Variants in KIRREL3 observed in about 807,000 individuals in gnomAD.
KIRREL3 encodes the protein kirre like nephrin family adhesion molecule 3, also known as kin of IRRE-like protein 3.
A neutral mutation model predicts 89.7 loss-of-function variants in KIRREL3; 36 were observed. The ratio of observed to expected loss-of-function variants is 0.40; its 90% CI spans 0.31 to 0.53. The LOEUF is 0.53. Among genes scored for constraint, KIRREL3 ranks in the 20% least tolerant of loss-of-function variants. The probability of loss-of-function intolerance (pLI) is 0.49; values close to 1 mark genes in which losing one functional copy is unlikely to be tolerated. For synonymous variants in KIRREL3, 445 were observed against 441.4 expected, an observed-to-expected ratio of 1.01 and a Z score of -0.10; for missense variants, 864 against 1,056.6, an observed-to-expected ratio of 0.82 and a Z score of 2.53.
Position 126,526,790 on chromosome 11 carries a change from A to C in KIRREL3, c.134-103T>G. On this transcript the variant is annotated intron_variant, in intron 2 of 16. Coordinates refer to ENST00000525144, the MANE Select transcript of KIRREL3 (RefSeq NM_032531.4). This position sits in a 1 kb window ranked among gnomAD's most constrained non-coding sequence, Gnocchi z 5.7. ...AGAGCAGGGCTGGCGCAGGAGACTG[A>C]GCCTCCTGAAGCACCTGGCTTTCCT... The C allele has an allele frequency of 8.1e-7, 1 of 1,229,468 alleles. No homozygotes were observed. Among genetic ancestry groups the C allele is most frequent in the Non-Finnish European group, 1.1e-6 (1 of 879,104 alleles). 76.2% of individuals were successfully genotyped at this position (1,229,468 alleles called of 1,614,324 possible).
At chr11:126,838,292 T>C (rs1943846262) in intron 1 of KIRREL3, among the ~76,000 whole-genome samples, 1 of 152,206 alleles carries the variant, frequency 6.6e-6, no homozygotes, top group South Asian at 2.1e-4. Flanking sequence ...AGGTTATTTT[T>C]CCCCTTCCTG....
rs76643114 is a variant in KIRREL3, at chr11:126,905,771, C to T, written c.55+94684G>A. Among the ~76,000 whole-genome samples the T allele has an allele frequency of 3.1e-3, 475 of 152,272 alleles. 2 individuals are homozygous for T. The highest frequency in any genetic ancestry group is 0.01 in the African/African-American group (430 of 41,540). On this transcript the variant is annotated intron_variant, in intron 1 of 16. Transcript: ENST00000525144. This position sits in a 1 kb window ranked among gnomAD's most constrained non-coding sequence, Gnocchi z 5.0. ...CCTGACAACACAGAGCCCTATCTGCCGCTGCCAGTTCGGGCGGATGCCTAA... is the reference window on the plus strand; with the variant it reads ...CCTGACAACACAGAGCCCTATCTGCTGCTGCCAGTTCGGGCGGATGCCTAA...
chr11:126,917,742 C>T lies in KIRREL3; in HGVS notation c.55+82713G>A, dbSNP rs1458559305. Among the ~76,000 whole-genome samples the T allele has an allele frequency of 6.6e-6, 1 of 152,164 alleles. No homozygotes were observed. Among genetic ancestry groups the T allele is most frequent in the Non-Finnish European group, 1.5e-5 (1 of 68,042 alleles). On this transcript the variant is annotated intron_variant, in intron 1 of 16. Transcript: ENST00000525144. This position sits in a 1 kb window ranked among gnomAD's most constrained non-coding sequence, Gnocchi z 5.0. Reference sequence around the variant, plus strand: ...CTAGAAACCAATAGTGAGGTGGTTGCCACTATTTCCATTGGCAACCAATAC... The same window carrying T: ...CTAGAAACCAATAGTGAGGTGGTTGTCACTATTTCCATTGGCAACCAATAC...
intron 1 of KIRREL3, among the ~76,000 whole-genome samples, chr11:126,986,153 C>T (rs573407244): frequency 1.3e-5 from 2 of 152,264 alleles, no homozygotes; most frequent in South Asian, 4.1e-4. Context: ...GGCTGGCTCC[C>T]CCCAAGCCCC....
At chr11:126,514,879 G>A (rs1958358350) in intron 4 of KIRREL3, among the ~76,000 whole-genome samples, 1 of 149,870 alleles carries the variant, frequency 6.7e-6, no homozygotes, top group Non-Finnish European at 1.5e-5. Flanking sequence ...AAACACAATT[G>A]TCATCCGTGT....
intron 1 of KIRREL3, among the ~76,000 whole-genome samples, chr11:126,899,265 C>T (rs1946280138): frequency 6.6e-6 from 1 of 152,064 alleles, no homozygotes; most frequent in Non-Finnish European, 1.5e-5. Flanking sequence ...CAGGAGCCTG[C>T]CTGAATGCTT....
At chr11:126,878,804 T>C (rs1181434172) in intron 1 of KIRREL3, among the ~76,000 whole-genome samples, 1 of 152,180 alleles carries the variant, frequency 6.6e-6, no homozygotes, top group Non-Finnish European at 1.5e-5. Context: ...TATATCCATA[T>C]TAAAGCTTTT....
chr11:126,717,575 G>GTCCTCCAT (rs1565674234), intron 1 of KIRREL3, among the ~76,000 whole-genome samples: 1 of 152,170 alleles, frequency 6.6e-6, no homozygotes, highest in Non-Finnish European at 1.5e-5. Flanking sequence ...CACACACCTT[G>GTCCTCCAT]TCCTCCATCC....
At chr11:126,929,677 CAGGCCT>C (rs1055829283) in intron 1 of KIRREL3, among the ~76,000 whole-genome samples, 4 of 152,170 alleles carry the variant, frequency 2.6e-5, no homozygotes, top group African/African-American at 9.7e-5. Flanking sequence ...GTGAGTCGCC[CAGGCCT>C]AGAAACCAAA....
At chr11:126,923,759 T>A (rs1280475432) in intron 1 of KIRREL3, among the ~76,000 whole-genome samples, 1 of 152,122 alleles carries the variant, frequency 6.6e-6, no homozygotes, top group Non-Finnish European at 1.5e-5. Flanking sequence ...ACTTCTTACG[T>A]GATGGTCTAT....
chr11:126,497,505 A>C (rs1957710952), intron 4 of KIRREL3, among the ~76,000 whole-genome samples: 1 of 152,218 alleles, frequency 6.6e-6, no homozygotes, highest in Non-Finnish European at 1.5e-5. Context: ...CCGCAGGGCC[A>C]CAACGCACTC....
In KIRREL3 at chr11:126,627,354, C is replaced by A. The variant is rs748397620; in HGVS notation, c.56-64442G>T. On this transcript the variant is annotated intron_variant, in intron 1 of 16. Transcript: ENST00000525144. This position sits in a 1 kb window ranked among gnomAD's most constrained non-coding sequence, Gnocchi z 5.0. ...TGAAAACCATGTTGAAGCATGGTGA[C>A]CTGGTCTGTGTTCCTATAGGCCGCC... Among the ~76,000 whole-genome samples, 1 of 152,164 alleles carries A rather than the reference C, an allele frequency of 6.6e-6. No individual in the cohort carries two copies. Among genetic ancestry groups the A allele is most frequent in the South Asian group, 2.1e-4 (1 of 4,830 alleles).
At chr11:126,889,517 A>G (rs1786943343) in intron 1 of KIRREL3, among the ~76,000 whole-genome samples, 1 of 152,112 alleles carries the variant, frequency 6.6e-6, no homozygotes, top group Non-Finnish European at 1.5e-5. Context: ...AAAGGAGAAG[A>G]AAAAAAGTCA....
intron 4 of KIRREL3, among the ~76,000 whole-genome samples, chr11:126,507,470 C>T (rs916591009): frequency 6.6e-6 from 1 of 152,180 alleles, no homozygotes; most frequent in African/African-American, 2.4e-5. Flanking sequence ...ACACTCTGCT[C>T]TACTTTTTTT....
At chr11:126,584,107 C>T (rs568077031) in intron 1 of KIRREL3, among the ~76,000 whole-genome samples, 19 of 152,194 alleles carry the variant, frequency 1.2e-4, no homozygotes, top group East Asian at 5.8e-4. Context: ...ATGATGTATC[C>T]GTCACAAAGC....
chr11:126,507,635 T>C (rs945135831), intron 4 of KIRREL3, among the ~76,000 whole-genome samples: 4 of 152,254 alleles, frequency 2.6e-5, no homozygotes, highest in African/African-American at 9.6e-5. Context: ...GTACCTGGCA[T>C]GTGGAAGGCA....
In KIRREL3 at chr11:126,537,356, C is replaced by G. The variant is rs1033011347; in HGVS notation, c.134-10669G>C. ...TGGATTACAAGGGATAAAGTGGTCT[C>G]ATAGAGAAGTCATATAAAGCTTTTC... On this transcript the variant is annotated intron_variant, in intron 2 of 16. Coordinates refer to ENST00000525144, the MANE Select transcript of KIRREL3 (RefSeq NM_032531.4). This position sits in a 1 kb window ranked among gnomAD's most constrained non-coding sequence, Gnocchi z 4.3. 6.6e-6 allele frequency among the ~76,000 whole-genome samples: 1 copy of G among 152,126 alleles called. No individual in the cohort carries two copies. The highest frequency in any genetic ancestry group is 1.5e-5 in the Non-Finnish European group (1 of 68,034).
intron 1 of KIRREL3, among the ~76,000 whole-genome samples, chr11:126,803,855 C>T (rs780673798): frequency 6.6e-6 from 1 of 152,234 alleles, no homozygotes; most frequent in Non-Finnish European, 1.5e-5. Context: ...TGGGATGCTA[C>T]TGCCACACAT....
At position 126,883,872 on chromosome 11, in the gene KIRREL3, A is replaced by T. The variant is rs1051271243; in HGVS notation, c.55+116583T>A. 6.6e-6 allele frequency among the ~76,000 whole-genome samples: 1 copy of T among 152,186 alleles called. No individual in the cohort carries two copies. Among genetic ancestry groups the T allele is most frequent in the Non-Finnish European group, 1.5e-5 (1 of 68,028 alleles). On this transcript the variant is annotated intron_variant, in intron 1 of 16. Coordinates refer to ENST00000525144, the MANE Select transcript of KIRREL3 (RefSeq NM_032531.4). This position sits in a 1 kb window ranked among gnomAD's most constrained non-coding sequence, Gnocchi z 4.1. ...ACCCAGAATCAAAATTGGAATGGAG[A>T]GGTGGAGACATAGGTTTTGAATCGA...
Sources: gnomAD v4.1 joint callset for allele counts (sites outside exome capture counted in the v4.1 genomes callset) on GRCh38, gnomAD v4.1.1 for gene constraint, Gnocchi (gnomAD v3.1) non-coding constraint, MANE v1.5 for transcripts, NCBI Gene and HGNC (gene_info 2026-07-23, HGNC 2026-07-21) for gene names.